RYR3: variants seen among roughly 807,000 people sequenced by gnomAD.
RYR3 encodes the protein ryanodine receptor 3.
Under a neutral mutation model 584.3 loss-of-function variants are expected in RYR3, and 207 were observed. That is an observed-to-expected ratio of 0.35 (90% CI 0.32 to 0.40). RYR3 has a LOEUF of 0.40. RYR3 is among the 10% of genes least tolerant of loss of function. The probability of loss-of-function intolerance (pLI) is 1.00; values close to 1 mark genes in which losing one functional copy is unlikely to be tolerated. For synonymous variants in RYR3, 2,416 were observed against 2,248.5 expected (o/e 1.07, Z -2.11); for missense variants, 5,616 against 6,089.2 (o/e 0.92, Z 2.59).
chr15:33,362,439 A>T (rs1364130144), intron 1 of RYR3, among the ~76,000 whole-genome samples: 1 of 152,168 alleles, frequency 6.6e-6, no homozygotes, highest in East Asian at 1.9e-4. Context: ...CAGCAGCAGC[A>T]TCAGCATCAT....
intron 2 of RYR3, among the ~76,000 whole-genome samples, chr15:33,499,189 C>T (rs973068806): frequency 6.6e-6 from 1 of 151,298 alleles, no homozygotes. Flanking sequence ...CTCTCTCTCC[C>T]TCCCCTTCCT....
chr15:33,593,000 G>A (rs891367436), intron 16 of RYR3, among the ~76,000 whole-genome samples: 2 of 152,200 alleles, frequency 1.3e-5, no homozygotes, highest in Non-Finnish European at 2.9e-5. Context: ...GGAAAGGTGG[G>A]ACAACTTGAA....
chr15:33,602,731 G>GTTTTTTTTTTTTTTTTTTTTTTTTT (rs1567639568), intron 17 of RYR3, among the ~76,000 whole-genome samples: 1 of 88,022 alleles, frequency 1.1e-5, no homozygotes. Context: ...GCTTTTTCTA[G>GTTTTTTTTTTTTTTTTTTTTTTTTT]TCTTTTTTTT....
intron 87 of RYR3, among the ~76,000 whole-genome samples, chr15:33,835,917 C>T (rs549869196): frequency 1.3e-5 from 2 of 152,276 alleles, no homozygotes; most frequent in African/African-American, 4.8e-5. Flanking sequence ...TGGAAAGCCA[C>T]TTTCCCTTTC....
At chr15:33,707,162 T>A in intron 43 of RYR3, 108 bp downstream of exon 43, 1 of 1,320,864 alleles carries the variant, frequency 7.6e-7, no homozygotes, top group African/African-American at 1.5e-5. Flanking sequence ...AAATAGGGGG[T>A]TGGTGGCTGG....
intron 1 of RYR3, among the ~76,000 whole-genome samples, chr15:33,330,139 T>C (rs1369557104): frequency 6.6e-6 from 1 of 152,188 alleles, no homozygotes; most frequent in East Asian, 1.9e-4. Context: ...ATGAATCTCA[T>C]GAGTAACTTA....
chr15:33,642,178 G>T (rs2061867120), intron 27 of RYR3, among the ~76,000 whole-genome samples: 1 of 152,144 alleles, frequency 6.6e-6, no homozygotes, highest in African/African-American at 2.4e-5. Flanking sequence ...ATTGTCATTG[G>T]GTCTGTGACT....
At chr15:33,700,071 G>A (rs17817536) in intron 41 of RYR3, among the ~76,000 whole-genome samples, 23,014 of 152,214 alleles carry the variant, frequency 0.15, 1,787 homozygotes, top group South Asian at 0.18. Flanking sequence ...TGGCATAGTC[G>A]TACAGTTTTA....
chr15:33,834,670 C>T (rs1441476365), intron 86 of RYR3, among the ~76,000 whole-genome samples: 1 of 152,132 alleles, frequency 6.6e-6, no homozygotes, highest in East Asian at 1.9e-4. Flanking sequence ...CACAACATTT[C>T]ACTGTTTTAA....
rs1453606579 is a variant in RYR3 at position 33,736,441 on chromosome 15, T to C, written c.7515+116T>C. The C allele has an allele frequency of 1.1e-5, 7 of 663,862 alleles. No individual in the cohort carries two copies. The Admixed American group carries it at 1.7e-4, about 16-fold the overall frequency. The allele number at this position is 663,862 out of a possible 1,614,324, so 41.1% of individuals were successfully genotyped here. A position where few individuals can be genotyped will look rare whatever the true frequency, so the allele number is the denominator to read the frequency against. On this transcript the variant is annotated intron_variant, in intron 49 of 103. Transcript: ENST00000634891. ...TACATGCTAAATGGGTTTTACTCCC[T>C]TAAGTTGATGGTTAGCTAACAAGAT...
intron 43 of RYR3, among the ~76,000 whole-genome samples, chr15:33,714,630 T>C (rs1179255265): frequency 6.6e-6 from 1 of 152,246 alleles, no homozygotes; most frequent in Non-Finnish European, 1.5e-5. Flanking sequence ...AGTTATTCTG[T>C]GTTTTCTTAG....
intron 38 of RYR3, among the ~76,000 whole-genome samples, chr15:33,682,465 C>A (rs925312895): frequency 6.6e-6 from 1 of 151,970 alleles, no homozygotes; most frequent in African/African-American, 2.4e-5. Flanking sequence ...ATTTAAAATG[C>A]AGCTTATACA....
intron 3 of RYR3, among the ~76,000 whole-genome samples, chr15:33,529,078 A>G (rs752492408): frequency 6.6e-5 from 10 of 152,242 alleles, no homozygotes; most frequent in Non-Finnish European, 1.2e-4. Context: ...ATTATTTGGT[A>G]TGTCTAATTT....
intron 10 of RYR3, among the ~76,000 whole-genome samples, chr15:33,556,556 A>G (rs2057078026): frequency 6.6e-6 from 1 of 152,230 alleles, no homozygotes; most frequent in Non-Finnish European, 1.5e-5. Flanking sequence ...TACGATCATG[A>G]TATTCCCTTT....
rs191919908 is a variant in RYR3, at chr15:33,421,762, C to T, written c.52-51657C>T. ...ATTATTATTTAGAAGCATTTATTTCCGATGACTGGAAAATCCCCTATTTAT... is the reference window on the plus strand; with the variant it reads ...ATTATTATTTAGAAGCATTTATTTCTGATGACTGGAAAATCCCCTATTTAT... On this transcript the variant is annotated intron_variant, in intron 1 of 103. Transcript: ENST00000634891. Among the ~76,000 whole-genome samples, 13 of 152,172 alleles carry T rather than the reference C, an allele frequency of 8.5e-5. No homozygotes were observed. In the East Asian group the frequency reaches 2.1e-3, roughly 25 times the overall value.
At chr15:33,656,359 G>A (rs965038670) in intron 32 of RYR3, among the ~76,000 whole-genome samples, 1 of 152,178 alleles carries the variant, frequency 6.6e-6, no homozygotes, top group Non-Finnish European at 1.5e-5. Context: ...AGCTCCTTGA[G>A]GGCAGAGGCC....
At chr15:33,405,495 A>G (rs1166298803) in intron 1 of RYR3, among the ~76,000 whole-genome samples, 1 of 152,246 alleles carries the variant, frequency 6.6e-6, no homozygotes, top group East Asian at 1.9e-4. Flanking sequence ...CTGGAGACCC[A>G]TGAAACCTCC....
chr15:33,743,832 G>T (rs1228301664), intron 52 of RYR3, among the ~76,000 whole-genome samples: 1 of 152,202 alleles, frequency 6.6e-6, no homozygotes, highest in African/African-American at 2.4e-5. Context: ...AAGCAAGTCA[G>T]AATTTCAGTA....
rs1373597255 is a variant in RYR3, at chr15:33,838,250, G to A, written c.12270G>A (p.Glu4090=). The change falls in exon 89 of 104, where the codon GAG becomes GAA. Residue 4090 remains glutamate (E), a synonymous_variant. Transcript: ENST00000634891. ...EKMELFVNFC[E]DTIFEMQLAS... is the part of the protein sequence containing the mutation. Reference sequence around the variant, plus strand: ...TGGAGCTGTTTGTGAACTTCTGTGAGGACACCATCTTTGAAATGCAGTTAG... The same window carrying A: ...TGGAGCTGTTTGTGAACTTCTGTGAAGACACCATCTTTGAAATGCAGTTAG... 3 of 1,613,868 alleles carry A rather than the reference G, an allele frequency of 1.9e-6. No homozygotes were observed. Among genetic ancestry groups the A allele is most frequent in the Non-Finnish European group, 1.7e-6 (2 of 1,179,902 alleles).
Sources: allele counts gnomAD v4.1 joint callset (sites outside exome capture counted in the v4.1 genomes callset), GRCh38; gene constraint gnomAD v4.1.1; transcripts MANE v1.5; gene names NCBI Gene and HGNC (gene_info 2026-07-23, HGNC 2026-07-21).